Variants in LGSN observed in about 807,000 individuals in gnomAD.
LGSN encodes the protein lengsin, lens protein with glutamine synthetase domain, also known as lengsin.
Under a neutral mutation model 19.5 loss-of-function variants are expected in LGSN, and 21 were observed. The observed-to-expected ratio is 1.07, with a 90% CI of 0.76 to 1.55. The LOEUF is 1.55. LGSN is among the 40% of genes most tolerant of loss of function. The pLI is 0.00. For missense variants in LGSN, 673 were observed against 608.5 expected (o/e 1.11, Z -1.12); for synonymous variants, 257 against 215.6 (o/e 1.19, Z -1.68).
the LGSN span, among the ~76,000 whole-genome samples, chr6:63,532,965 T>C: frequency 6.6e-6 from 1 of 152,202 alleles, no homozygotes; most frequent in Non-Finnish European, 1.5e-5. Flanking sequence ...TCCTATGGCA[T>C]GGGAAGGAGG....
At chr6:63,381,285 G>T in the LGSN span, among the ~76,000 whole-genome samples, 1 of 152,220 alleles carries the variant, frequency 6.6e-6, no homozygotes, top group Non-Finnish European at 1.5e-5. Context: ...CAACTTTTCT[G>T]CAATCTGTAT....
chr6:63,541,950 A>G, the LGSN span, among the ~76,000 whole-genome samples: 1 of 152,046 alleles, frequency 6.6e-6, no homozygotes, highest in African/African-American at 2.4e-5. Context: ...ATACTGGTAA[A>G]TACACATAAC....
chr6:63,315,193 C>T (rs1006764234), intron 1 of LGSN, among the ~76,000 whole-genome samples: 1 of 152,084 alleles, frequency 6.6e-6, no homozygotes, highest in Non-Finnish European at 1.5e-5. Flanking sequence ...TTAATTATAA[C>T]CAAGACCTAC....
chr6:63,505,267 T>C, the LGSN span, among the ~76,000 whole-genome samples: 1 of 151,716 alleles, frequency 6.6e-6, no homozygotes, highest in Non-Finnish European at 1.5e-5. Context: ...CTTTTCCTCA[T>C]CTCTTTAGTT....
At chr6:63,472,874 G>T in the LGSN span, among the ~76,000 whole-genome samples, 1 of 152,078 alleles carries the variant, frequency 6.6e-6, no homozygotes, top group Non-Finnish European at 1.5e-5. Context: ...CCAGGAGGCG[G>T]AGCTTGCAGT....
At chr6:63,366,694 A>G in the LGSN span, among the ~76,000 whole-genome samples, 2 of 152,220 alleles carry the variant, frequency 1.3e-5, no homozygotes, top group African/African-American at 2.4e-5. Context: ...AAACTATACT[A>G]CAAGGCTACA....
chr6:63,452,340 G>A, the LGSN span, among the ~76,000 whole-genome samples: 3 of 151,982 alleles, frequency 2.0e-5, no homozygotes, highest in African/African-American at 4.8e-5. Flanking sequence ...CCTCAAGCTC[G>A]TGGGCTGAAG....
the LGSN span, among the ~76,000 whole-genome samples, chr6:63,407,262 T>C: frequency 2.0e-5 from 3 of 151,912 alleles, no homozygotes; most frequent in East Asian, 3.9e-4. Flanking sequence ...TTGATGAACA[T>C]TGATGCAAAA....
chr6:63,548,157 T>C, the LGSN span, among the ~76,000 whole-genome samples: 1 of 152,178 alleles, frequency 6.6e-6, no homozygotes, highest in East Asian at 1.9e-4. Flanking sequence ...GATGACCCTC[T>C]CTGATTTCCC....
intron 2 of LGSN, among the ~76,000 whole-genome samples, chr6:63,291,777 AC>A (rs994689432): frequency 1.3e-5 from 2 of 152,106 alleles, no homozygotes; most frequent in African/African-American, 4.8e-5. Context: ...AGGCAGAATA[AC>A]CCCTCGAAAA....
the LGSN span, among the ~76,000 whole-genome samples, chr6:63,404,945 TC>T: frequency 8.0e-6 from 1 of 125,310 alleles, no homozygotes. Context: ...CCCGATGCTA[TC>T]CCTCCCCCCG....
chr6:63,441,696 G>A, the LGSN span: 56 of 458,848 alleles, frequency 1.2e-4, no homozygotes, highest in East Asian at 3.9e-4. Context: ...GCAGCCAAGC[G>A]GGAGCAGATC....
intron 1 of LGSN, among the ~76,000 whole-genome samples, chr6:63,296,999 GAAA>G (rs532498032): frequency 7.0e-6 from 1 of 143,054 alleles, no homozygotes; most frequent in Admixed American, 7.0e-5. Context: ...AGTTTCTTAA[GAAA>G]AAAAAAAAAT....
chr6:63,359,137 A>C, the LGSN span, among the ~76,000 whole-genome samples: 4 of 152,148 alleles, frequency 2.6e-5, no homozygotes, highest in African/African-American at 9.7e-5. Context: ...GATTACATTT[A>C]TTGATTTGCA....
the LGSN span, among the ~76,000 whole-genome samples, chr6:63,503,781 T>A: frequency 2.0e-5 from 3 of 152,006 alleles, no homozygotes; most frequent in African/African-American, 7.2e-5. Flanking sequence ...CCGGGGACAG[T>A]GGCACCTGCC....
chr6:63,439,516 T>A, the LGSN span, among the ~76,000 whole-genome samples: 1 of 151,516 alleles, frequency 6.6e-6, no homozygotes, highest in Non-Finnish European at 1.5e-5. Context: ...TTCTGTCTCA[T>A]TAAAAAAAAA....
the LGSN span, among the ~76,000 whole-genome samples, chr6:63,516,436 C>T: frequency 7.9e-5 from 12 of 152,308 alleles, no homozygotes; most frequent in Non-Finnish European, 1.3e-4. Context: ...AACTGTTTTA[C>T]GGTAGAAGCA....
At chr6:63,309,688 T>C (rs1768546204) in intron 1 of LGSN, among the ~76,000 whole-genome samples, 1 of 152,228 alleles carries the variant, frequency 6.6e-6, no homozygotes, top group South Asian at 2.1e-4. Context: ...TATGCATTAT[T>C]TCACATACTT....
chr6:63,395,679 T>G, the LGSN span: 1 of 153,438 alleles, frequency 6.5e-6, no homozygotes, highest in Non-Finnish European at 1.5e-5. Context: ...TGTGCTCTGC[T>G]AGCAGGACTT....
Sources: allele counts gnomAD v4.1 joint callset (sites outside exome capture counted in the v4.1 genomes callset), GRCh38; gene constraint gnomAD v4.1.1; transcripts MANE v1.5; gene names NCBI Gene and HGNC (gene_info 2026-07-23, HGNC 2026-07-21).